Variants in TRAF3IP3 observed in about 807,000 individuals in gnomAD.
TRAF3IP3 encodes the protein TRAF3 interacting protein 3, also known as TRAF3-interacting JNK-activating modulator.
TRAF3IP3 carries 64 observed loss-of-function variants against 86.5 expected under a neutral mutation model. The observed-to-expected ratio is 0.74, with a 90% confidence interval of 0.60 to 0.91. The LOEUF (loss-of-function observed/expected upper bound fraction) is 0.91. TRAF3IP3 is among the 40% of genes least tolerant of loss of function. The pLI is 0.00. For missense variants in TRAF3IP3, 579 were observed against 642.9 expected (o/e 0.90, Z 1.07); for synonymous variants, 220 against 243.9 (o/e 0.90, Z 0.91).
chr1:209,780,266 A>G (rs2077747386), intron 14 of TRAF3IP3: 2 of 400,982 alleles, frequency 5.0e-6, no homozygotes, highest in Admixed American at 4.0e-5. Context: ...CTTGCCCTCA[A>G]GGAGCTCAGA....
chr1:209,771,251 AG>A (rs1421128107), intron 8 of TRAF3IP3, among the ~76,000 whole-genome samples: 1 of 119,678 alleles, frequency 8.4e-6, no homozygotes, highest in Non-Finnish European at 1.7e-5. Flanking sequence ...GTGCAGGTGG[AG>A]GTGTGTGTCC....
intron 13 of TRAF3IP3, chr1:209,778,675 C>G (rs2077711088): frequency 6.5e-6 from 1 of 154,690 alleles, no homozygotes; most frequent in South Asian, 2.0e-4. Context: ...TTGCCCACCA[C>G]TTTAACCTCT....
intron 8 of TRAF3IP3, among the ~76,000 whole-genome samples, chr1:209,771,510 TGAA>T (rs1249550217): frequency 6.9e-6 from 1 of 145,024 alleles, no homozygotes; most frequent in Non-Finnish European, 1.5e-5. Context: ...AAGGTGTGTG[TGAA>T]GGTGTGTGTG....
At chr1:209,770,824 T>TGTGTGTGTGCAGGTGGAG (rs2077473617) in intron 8 of TRAF3IP3, among the ~76,000 whole-genome samples, 1 of 48,508 alleles carries the variant, frequency 2.1e-5, no homozygotes, top group Admixed American at 1.9e-4. Flanking sequence ...CAGGTGGAGG[T>TGTGTGTGTGCAGGTGGAG]GTGTGTCTAT....
intron 14 of TRAF3IP3, chr1:209,779,890 A>T (rs1052431643): frequency 3.1e-4 from 59 of 191,076 alleles, no homozygotes; most frequent in Middle Eastern, 2.3e-3. Flanking sequence ...TAAGGCAGAA[A>T]TTTTTATGCT....
At chr1:209,759,957 T>G (rs2077216586) in intron 2 of TRAF3IP3, 25 bp from the exon 3 acceptor site, 8 of 1,190,230 alleles carry the variant, frequency 6.7e-6, no homozygotes, top group Admixed American at 1.9e-5. Context: ...CCCCTCCCCT[T>G]CTCCTCCCTC....
intron 14 of TRAF3IP3, chr1:209,780,227 G>C (rs933102432): frequency 1.6e-5 from 5 of 306,026 alleles, no homozygotes; most frequent in African/African-American, 1.1e-4. Context: ...CACTAGATAA[G>C]ACTGGGGATA....
At chr1:209,774,304 AT>A (rs923895565) in intron 9 of TRAF3IP3, among the ~76,000 whole-genome samples, 9 of 152,026 alleles carry the variant, frequency 5.9e-5, no homozygotes, top group Admixed American at 3.3e-4. Context: ...AGCTACAATG[AT>A]TTTTTTTTAA....
At chr1:209,779,420 T>G (rs759508035) in intron 14 of TRAF3IP3, 46 bp downstream of exon 14, 1 of 1,555,096 alleles carries the variant, frequency 6.4e-7, no homozygotes, top group Non-Finnish European at 8.9e-7. Context: ...GCTCTTCTCT[T>G]ACCTGCCTAG....
chr1:209,768,793 A>G (rs1367817923), intron 8 of TRAF3IP3: 1 of 686,202 alleles, frequency 1.5e-6, no homozygotes, highest in East Asian at 1.3e-4. Context: ...ACATACTGTA[A>G]CACTGGGCTT....
chr1:209,756,884 C>T (rs896369481), intron 1 of TRAF3IP3, among the ~76,000 whole-genome samples: 1 of 152,218 alleles, frequency 6.6e-6, no homozygotes, highest in South Asian at 2.1e-4. Flanking sequence ...AGCCAGTAAA[C>T]CTTCTTCCTC....
chr1:209,772,119 T>C (rs2077556508), intron 8 of TRAF3IP3, among the ~76,000 whole-genome samples: 1 of 151,900 alleles, frequency 6.6e-6, no homozygotes, highest in African/African-American at 2.4e-5. Context: ...GAGGGGAGTG[T>C]ATTAATCTCC....
At chr1:209,765,802 A>G (rs192002738) in intron 8 of TRAF3IP3, among the ~76,000 whole-genome samples, 14 of 152,360 alleles carry the variant, frequency 9.2e-5, no homozygotes, top group African/African-American at 3.4e-4. Context: ...TTGCTTCTGT[A>G]TTCAATCTAT....
At chr1:209,775,800 AG>A in intron 11 of TRAF3IP3, 64 bp downstream of exon 11, 1 of 1,510,564 alleles carries the variant, frequency 6.6e-7, no homozygotes, top group South Asian at 1.3e-5. Flanking sequence ...TGATGAAAGA[AG>A]CTGTTCTGGA....
intron 3 of TRAF3IP3, among the ~76,000 whole-genome samples, chr1:209,761,284 G>C (rs1057403937): frequency 2.0e-5 from 3 of 152,198 alleles, no homozygotes; most frequent in Non-Finnish European, 4.4e-5. Context: ...TGGGCCTTGT[G>C]AGGTTAAAAT....
At chr1:209,757,273 G>A (rs2077170740) in intron 1 of TRAF3IP3, among the ~76,000 whole-genome samples, 1 of 152,218 alleles carries the variant, frequency 6.6e-6, no homozygotes, top group Admixed American at 6.5e-5. Context: ...GTGGACTAAG[G>A]TTGGTGGCCT....
At chr1:209,775,894 C>T (rs188247964) in intron 11 of TRAF3IP3, 158 bp downstream of exon 11, 29 of 659,096 alleles carry the variant, frequency 4.4e-5, no homozygotes, top group African/African-American at 4.0e-4. Context: ...ACTGTTTTGG[C>T]TCTGAAATCT....
At chr1:209,767,695 G>A (rs1232365458) in intron 8 of TRAF3IP3, among the ~76,000 whole-genome samples, 1 of 151,760 alleles carries the variant, frequency 6.6e-6, no homozygotes, top group Non-Finnish European at 1.5e-5. Context: ...AAAGAGGGGG[G>A]AGGGTTCAAG....
chr1:209,765,222 AG>A lies in TRAF3IP3; in HGVS notation c.702+1636del, dbSNP rs1558012974. Among the ~76,000 whole-genome samples the A allele has an allele frequency of 5.9e-4, 57 of 97,250 alleles. 2 individuals carry two copies. Among genetic ancestry groups the A allele is most frequent in the African/African-American group, 2.5e-3 (50 of 20,246 alleles). 63.8% of individuals were successfully genotyped at this position (97,250 alleles called of 152,430 possible). A position where few individuals can be genotyped will look rare whatever the true frequency, so the allele number is the denominator to read the frequency against. On this transcript the variant is annotated intron_variant, in intron 8 of 16. Coordinates refer to ENST00000367025, the MANE Select transcript of TRAF3IP3 (RefSeq NM_025228.4). ...GAGAGAGAGAGAGAGAGGGAGAGAG[AG>A]AGAGAGGAAGGAAGGAAGGAAGGAA... is the stretch of plus-strand genomic sequence containing the variant.
Sources: gnomAD v4.1 joint callset for allele counts (sites outside exome capture counted in the v4.1 genomes callset) on GRCh38, gnomAD v4.1.1 for gene constraint, MANE v1.5 for transcripts, NCBI Gene and HGNC (gene_info 2026-07-23, HGNC 2026-07-21) for gene names.